DCBLD2: variants seen among roughly 807,000 people sequenced by gnomAD.
The protein encoded by DCBLD2 is discoidin, CUB and LCCL domain-containing protein 2.
In DCBLD2, 54 loss-of-function variants were observed where a neutral mutation model predicts 86.8. That is an observed-to-expected ratio of 0.62 (90% CI 0.50 to 0.78). The LOEUF (loss-of-function observed/expected upper bound fraction) is 0.78, where lower values mean the gene tolerates loss of function less well. Among genes scored for constraint, DCBLD2 ranks in the 30% least tolerant of loss-of-function variants. The pLI is 0.00. For synonymous variants in DCBLD2, 354 were observed against 341.3 expected (o/e 1.04, Z -0.41); for missense variants, 908 against 954.2 (o/e 0.95, Z 0.64).
At chr3:98,860,733 A>G (rs1030501179) in intron 2 of DCBLD2, among the ~76,000 whole-genome samples, 1 of 152,218 alleles carries the variant, frequency 6.6e-6, no homozygotes, top group Non-Finnish European at 1.5e-5. Context: ...AGCACTAAAC[A>G]TGGAAAGGAA....
At chr3:98,887,577 GTCT>G (rs1559800862) in intron 1 of DCBLD2, among the ~76,000 whole-genome samples, 1 of 151,924 alleles carries the variant, frequency 6.6e-6, no homozygotes, top group African/African-American at 2.4e-5. Flanking sequence ...AGTGACTCCA[GTCT>G]TCTTTAGTGT....
intron 2 of DCBLD2, among the ~76,000 whole-genome samples, chr3:98,866,557 GTTT>G (rs1943149646): frequency 6.6e-6 from 1 of 152,022 alleles, no homozygotes; most frequent in Non-Finnish European, 1.5e-5. Flanking sequence ...TGATGGGGTT[GTTT>G]TTTTCTTGTA....
intron 9 of DCBLD2, chr3:98,816,166 T>C (rs975038999): frequency 4.1e-5 from 6 of 146,274 alleles, no homozygotes; most frequent in African/African-American, 1.5e-4. Context: ...ACAGAAATAA[T>C]AGCAGAATTC....
intron 2 of DCBLD2, among the ~76,000 whole-genome samples, chr3:98,876,007 T>C (rs1943361669): frequency 6.6e-6 from 1 of 152,132 alleles, no homozygotes. Flanking sequence ...GCTTTCTAAC[T>C]AGGACTTAGA....
intron 2 of DCBLD2, among the ~76,000 whole-genome samples, chr3:98,851,029 C>CTG (rs1276077198): frequency 6.6e-6 from 1 of 152,186 alleles, no homozygotes; most frequent in Non-Finnish European, 1.5e-5. Flanking sequence ...CCTTTGAAAA[C>CTG]CTGCACAAGA....
chr3:98,801,273 C>G (rs1941713337), intron 14 of DCBLD2: 1 of 313,312 alleles, frequency 3.2e-6, no homozygotes, highest in Admixed American at 4.5e-5. Flanking sequence ...AGACCACAGT[C>G]TTTTGTTTCT....
intron 2 of DCBLD2, among the ~76,000 whole-genome samples, chr3:98,854,751 A>G (rs1219923045): frequency 1.3e-5 from 2 of 152,220 alleles, no homozygotes; most frequent in African/African-American, 4.8e-5. Context: ...CTTCTTAAGC[A>G]GCAGATCTGA....
At chr3:98,812,975 G>GAT (rs1941963437) in intron 9 of DCBLD2, 1 of 152,232 alleles carries the variant, frequency 6.6e-6, no homozygotes, top group South Asian at 2.1e-4. Flanking sequence ...ACATATAACA[G>GAT]ATATATACCT....
At chr3:98,852,174 G>C (rs149773580) in intron 2 of DCBLD2, among the ~76,000 whole-genome samples, 251 of 152,030 alleles carry the variant, frequency 1.7e-3, no homozygotes, top group Admixed American at 6.5e-3. Context: ...TTATTTTCTT[G>C]ATTAACTTTT....
chr3:98,841,857 T>TC (rs753422955), intron 3 of DCBLD2, among the ~76,000 whole-genome samples: 46 of 151,976 alleles, frequency 3.0e-4, no homozygotes, highest in Non-Finnish European at 6.0e-4. Flanking sequence ...GGTCAGGAGA[T>TC]CGAGACCATC....
chr3:98,889,593 C>T (rs956161611), intron 1 of DCBLD2, among the ~76,000 whole-genome samples: 1 of 151,974 alleles, frequency 6.6e-6, no homozygotes, highest in Non-Finnish European at 1.5e-5. Context: ...TAAAGATGCA[C>T]ATAATTTTTC....
rs704586 is a variant in DCBLD2, at chr3:98,796,317, G to A, written c.*3055C>T. The A allele has an allele frequency of 0.31, 47,107 of 152,224 alleles. 8,697 individuals are homozygous for A. The highest frequency in any genetic ancestry group is 0.7 in the East Asian group (3,622 of 5,168). 9.4% of individuals were successfully genotyped at this position (152,224 alleles called of 1,614,324 possible). On this transcript the variant is annotated 3_prime_UTR_variant, in exon 16 of 16. Coordinates refer to ENST00000326840, the MANE Select transcript of DCBLD2 (RefSeq NM_080927.4). ...TTACATTAGAATTGGTGCCACAGTTGACTTTAAAAGCATTTTAATAACCAC... is the reference window on the plus strand; with the variant it reads ...TTACATTAGAATTGGTGCCACAGTTAACTTTAAAAGCATTTTAATAACCAC...
At chr3:98,885,190 T>C (rs2107525625) in intron 1 of DCBLD2, among the ~76,000 whole-genome samples, 1 of 152,236 alleles carries the variant, frequency 6.6e-6, no homozygotes, top group African/African-American at 2.4e-5. Flanking sequence ...AAATATGTGA[T>C]GGAGTTCAGA....
intron 6 of DCBLD2, 116 bp from the exon 7 acceptor site, chr3:98,820,404 C>T (rs1942097937): frequency 1.4e-6 from 1 of 690,956 alleles, no homozygotes; most frequent in South Asian, 5.7e-5. Flanking sequence ...ACCAAGAAGA[C>T]TGTGTGGCTA....
intron 2 of DCBLD2, among the ~76,000 whole-genome samples, chr3:98,871,425 T>C (rs1218433614): frequency 6.6e-6 from 1 of 152,158 alleles, no homozygotes; most frequent in Non-Finnish European, 1.5e-5. Context: ...GTTTGTCATA[T>C]ATGGCTTTTA....
chr3:98,889,919 C>T lies in DCBLD2; in HGVS notation c.206-8152G>A, dbSNP rs188247363. Among the ~76,000 whole-genome samples, 28 of 152,110 alleles carry T rather than the reference C, an allele frequency of 1.8e-4. 1 individual carries two copies. In the East Asian group the frequency reaches 5.2e-3, roughly 28 times the overall value. On this transcript the variant is annotated intron_variant, in intron 1 of 15. Transcript: ENST00000326840. ...AGCTTTAAAACACTAAGGGTAACAA[C>T]TAAAAACACACAAAACCTCCTTCTA...
chr3:98,886,807 CCCTTTT>C (rs1943571805), intron 1 of DCBLD2, among the ~76,000 whole-genome samples: 1 of 138,688 alleles, frequency 7.2e-6, no homozygotes, highest in African/African-American at 2.7e-5. Flanking sequence ...AAAACCCCCC[CCCTTTT>C]TTTTTTTTTT....
At chr3:98,862,721 CA>C (rs1448950406) in intron 2 of DCBLD2, among the ~76,000 whole-genome samples, 1 of 152,174 alleles carries the variant, frequency 6.6e-6, no homozygotes, top group African/African-American at 2.4e-5. Flanking sequence ...AGACGTGTCT[CA>C]AAATAATAAG....
chr3:98,802,834 G>C (rs1438968935), intron 13 of DCBLD2, among the ~76,000 whole-genome samples: 1 of 152,156 alleles, frequency 6.6e-6, no homozygotes, highest in Non-Finnish European at 1.5e-5. Context: ...GTTTTTGTCA[G>C]GTTTGTCAAA....
Sources: allele counts gnomAD v4.1 joint callset (sites outside exome capture counted in the v4.1 genomes callset), GRCh38; gene constraint gnomAD v4.1.1; transcripts MANE v1.5; gene names NCBI Gene and HGNC (gene_info 2026-07-23, HGNC 2026-07-21).